Variants in GABRB1 observed in about 807,000 individuals in gnomAD.
The protein encoded by GABRB1 is gamma-aminobutyric acid type A receptor subunit beta1.
GABRB1 carries 17 observed loss-of-function variants against 51.6 expected under a neutral mutation model. The observed-to-expected ratio is 0.33, with a 90% CI of 0.23 to 0.49. The LOEUF is 0.49. Among genes scored for constraint, GABRB1 ranks in the 20% least tolerant of loss-of-function variants. The pLI is 0.99. For missense variants in GABRB1, 410 were observed against 600.6 expected (o/e 0.68, Z 3.32); for synonymous variants, 247 against 218.9 (o/e 1.13, Z -1.14).
intron 4 of GABRB1, among the ~76,000 whole-genome samples, chr4:47,246,378 A>G (rs62303986): frequency 4.1e-5 from 2 of 48,628 alleles, no homozygotes; most frequent in African/African-American, 2.3e-4. Context: ...ATATATATAT[A>G]TATATATATA....
rs956917771 is a variant in GABRB1 at position 47,125,313 on chromosome 4, A to G, written c.241-35936A>G. On this transcript the variant is annotated intron_variant, in intron 3 of 8. Transcript: ENST00000295454. ...TTAGCCCTGCCTTACACAAAATGTT[A>G]AAAGATGTTCTTCATATTGAAATGA... is the stretch of plus-strand genomic sequence containing the variant. Among the ~76,000 whole-genome samples, 9 of 152,266 alleles carry G rather than the reference A, an allele frequency of 5.9e-5. 1 individual carries two copies. The highest frequency in any genetic ancestry group is 5.9e-4 in the Admixed American group (9 of 15,286).
chr4:47,255,790 A>G (rs1328052315), intron 4 of GABRB1, among the ~76,000 whole-genome samples: 1 of 152,180 alleles, frequency 6.6e-6, no homozygotes, highest in Non-Finnish European at 1.5e-5. Context: ...AACATTTCAT[A>G]GTTGATTTGG....
chr4:47,136,745 TAGC>T (rs934153428), intron 3 of GABRB1, among the ~76,000 whole-genome samples: 9 of 152,098 alleles, frequency 5.9e-5, no homozygotes, highest in African/African-American at 2.2e-4. Context: ...GGTTTCCACA[TAGC>T]AGTCAATTGG....
At chr4:47,165,909 A>T (rs898834750) in intron 4 of GABRB1, among the ~76,000 whole-genome samples, 5 of 152,234 alleles carry the variant, frequency 3.3e-5, no homozygotes, top group Middle Eastern at 3.4e-3. Flanking sequence ...AGGCAACTGT[A>T]ATTCCACGTC....
intron 5 of GABRB1, among the ~76,000 whole-genome samples, chr4:47,370,137 G>C (rs1057341111): frequency 3.9e-5 from 6 of 151,938 alleles, no homozygotes; most frequent in African/African-American, 1.5e-4. Context: ...TCTCATCAAG[G>C]TTTACAAAAA....
intron 4 of GABRB1, among the ~76,000 whole-genome samples, chr4:47,254,139 T>G (rs968861917): frequency 6.6e-6 from 1 of 152,120 alleles, no homozygotes; most frequent in Non-Finnish European, 1.5e-5. Flanking sequence ...TTATGCCCAC[T>G]ACACACAATC....
chr4:47,193,624 C>T (rs999191696), intron 4 of GABRB1, among the ~76,000 whole-genome samples: 17 of 152,168 alleles, frequency 1.1e-4, no homozygotes, highest in Non-Finnish European at 1.3e-4. Flanking sequence ...AATAGGTCCT[C>T]CATAAATGGC....
chr4:47,269,654 C>T (rs528839756), intron 4 of GABRB1, among the ~76,000 whole-genome samples: 100 of 152,006 alleles, frequency 6.6e-4, no homozygotes, highest in African/African-American at 2.2e-3. Flanking sequence ...TGTTTTTATG[C>T]TCTTTTGTTT....
chr4:47,403,838 G>A (rs903853662), intron 7 of GABRB1, 127 bp downstream of exon 7: 51 of 828,248 alleles, frequency 6.2e-5, no homozygotes, highest in Non-Finnish European at 9.0e-5. Context: ...ACAAGTCCCT[G>A]AATATAAAAC....
intron 4 of GABRB1, among the ~76,000 whole-genome samples, chr4:47,261,861 G>C (rs370033772): frequency 4.2e-4 from 64 of 152,094 alleles, no homozygotes; most frequent in African/African-American, 1.1e-3. Flanking sequence ...ATCAATGGAA[G>C]AGAACAGAGC....
chr4:47,150,355 C>A (rs1446679380), intron 3 of GABRB1, among the ~76,000 whole-genome samples: 1 of 110,674 alleles, frequency 9.0e-6, no homozygotes, highest in Non-Finnish European at 2.0e-5. Flanking sequence ...CACATACACA[C>A]ACACACACGC....
rs71195629 is a variant in GABRB1 at position 47,400,921 on chromosome 4, C to CTTTT, written c.545-2375_545-2372dup. On this transcript the variant is annotated intron_variant, in intron 5 of 8. Transcript: ENST00000295454. ...CATTATTTTGTTCTTTTGTTCTTCT[C>CTTTT]TTTTTTTTTTTTTTTTTTTTTTTTT... Among the ~76,000 whole-genome samples, 478 of 98,538 alleles carry CTTTT rather than the reference C, an allele frequency of 4.9e-3. 18 individuals are homozygous for CTTTT. The highest frequency in any genetic ancestry group is 0.015 in the African/African-American group (371 of 24,438). 64.6% of individuals were successfully genotyped at this position (98,538 alleles called of 152,430 possible).
chr4:47,216,253 A>T (rs1307654562), intron 4 of GABRB1, among the ~76,000 whole-genome samples: 2 of 151,758 alleles, frequency 1.3e-5, no homozygotes, highest in Admixed American at 1.3e-4. Flanking sequence ...AATACTGTAT[A>T]TTTTTTCTAT....
chr4:47,295,302 A>G (rs1274061839), intron 4 of GABRB1, among the ~76,000 whole-genome samples: 2 of 152,200 alleles, frequency 1.3e-5, no homozygotes, highest in Admixed American at 6.5e-5. Flanking sequence ...AGACGATCAA[A>G]CTACTCCGAG....
intron 1 of GABRB1, among the ~76,000 whole-genome samples, chr4:47,007,384 T>C (rs1466792252): frequency 1.3e-5 from 2 of 152,230 alleles, no homozygotes; most frequent in Non-Finnish European, 2.9e-5. Flanking sequence ...AAGAACACAT[T>C]GACAAAACTA....
At chr4:47,360,474 T>C (rs1726766712) in intron 5 of GABRB1, among the ~76,000 whole-genome samples, 1 of 152,064 alleles carries the variant, frequency 6.6e-6, no homozygotes, top group Admixed American at 6.6e-5. Flanking sequence ...CCTGTGTTAA[T>C]AATATAACAT....
chr4:47,188,680 A>G (rs1336316479), intron 4 of GABRB1, among the ~76,000 whole-genome samples: 2 of 152,050 alleles, frequency 1.3e-5, no homozygotes, highest in African/African-American at 4.8e-5. Flanking sequence ...TATGAAGGGC[A>G]TAAAATAAGT....
At chr4:47,319,339 G>T (rs896464219) in intron 4 of GABRB1, among the ~76,000 whole-genome samples, 2 of 152,032 alleles carry the variant, frequency 1.3e-5, no homozygotes, top group African/African-American at 4.8e-5. Flanking sequence ...CTCTCTGGGA[G>T]TTCAGTACCA....
intron 3 of GABRB1, among the ~76,000 whole-genome samples, chr4:47,111,957 C>CAA (rs1207876820): frequency 1.4e-5 from 2 of 142,890 alleles, no homozygotes; most frequent in African/African-American, 5.2e-5. Flanking sequence ...TTCATGAATA[C>CAA]AAAGTAGTAT....
Sources: gnomAD v4.1 joint callset for allele counts (sites outside exome capture counted in the v4.1 genomes callset) on GRCh38, gnomAD v4.1.1 for gene constraint, MANE v1.5 for transcripts, NCBI Gene and HGNC (gene_info 2026-07-23, HGNC 2026-07-21) for gene names.